NCKAP5: variants seen among roughly 807,000 people sequenced by gnomAD.
NCKAP5 encodes the protein nck-associated protein 5.
A neutral mutation model predicts 167.0 loss-of-function variants in NCKAP5; 92 were observed. That is an observed-to-expected ratio of 0.55 (90% CI 0.47 to 0.66). The LOEUF (loss-of-function observed/expected upper bound fraction) is 0.66, where lower values mean the gene tolerates loss of function less well. NCKAP5 is among the 30% of genes least tolerant of loss of function. The pLI is 0.00. For synonymous variants in NCKAP5, 891 were observed against 877.4 expected (o/e 1.02, Z -0.27); for missense variants, 2,378 against 2,315.0 (o/e 1.03, Z -0.56).
chr2:132,883,316 CTATTT>C (rs1035903893), intron 8 of NCKAP5, among the ~76,000 whole-genome samples: 11 of 151,906 alleles, frequency 7.2e-5, no homozygotes, highest in African/African-American at 2.7e-4. Context: ...TTTTTTCCTG[CTATTT>C]TATTAGTTGC....
At chr2:132,919,699 A>T (rs1695159249) in intron 8 of NCKAP5, among the ~76,000 whole-genome samples, 1 of 152,160 alleles carries the variant, frequency 6.6e-6, no homozygotes, top group African/African-American at 2.4e-5. Flanking sequence ...GAAAAAGATA[A>T]AGCAAAAAAA....
intron 3 of NCKAP5, among the ~76,000 whole-genome samples, chr2:133,332,961 T>C (rs1168372011): frequency 2.0e-5 from 3 of 152,234 alleles, no homozygotes; most frequent in Non-Finnish European, 2.9e-5. Context: ...TTCCAAAAGG[T>C]TCTCTCTGGA....
intron 3 of NCKAP5, among the ~76,000 whole-genome samples, chr2:133,351,999 A>C (rs531487915): frequency 6.6e-6 from 1 of 152,174 alleles, no homozygotes; most frequent in South Asian, 2.1e-4. Context: ...AAGCCCTTCC[A>C]AGGTTTTCCA....
At chr2:133,623,527 T>C in the NCKAP5 span, among the ~76,000 whole-genome samples, 8 of 151,498 alleles carry the variant, frequency 5.3e-5, no homozygotes, top group African/African-American at 1.7e-4. Context: ...GACATAAAAA[T>C]GGCCAACAAG....
chr2:132,843,188 T>C (rs72991374), intron 11 of NCKAP5, among the ~76,000 whole-genome samples: 11,994 of 152,126 alleles, frequency 0.079, 949 homozygotes, highest in African/African-American at 0.19. Flanking sequence ...AGCAAAGCAG[T>C]GGTTTGTATA....
chr2:133,663,363 TATGGATTAA>T, the NCKAP5 span, among the ~76,000 whole-genome samples: 1 of 151,954 alleles, frequency 6.6e-6, no homozygotes, highest in Non-Finnish European at 1.5e-5. Context: ...TGTGGATGCC[TATGGATTAA>T]TCAGGGTGGC....
At chr2:133,248,529 A>G (rs2088127545) in intron 4 of NCKAP5, among the ~76,000 whole-genome samples, 1 of 152,214 alleles carries the variant, frequency 6.6e-6, no homozygotes, top group Non-Finnish European at 1.5e-5. Flanking sequence ...TCCACTGGGA[A>G]AAAGGCAGCA....
the NCKAP5 span, among the ~76,000 whole-genome samples, chr2:133,648,272 TG>T: frequency 9.2e-5 from 14 of 151,624 alleles, no homozygotes; most frequent in Non-Finnish European, 2.1e-4. Context: ...AAAAAAAAAC[TG>T]GCAAAACTGA....
At chr2:133,189,874 T>G (rs982672879) in intron 5 of NCKAP5, among the ~76,000 whole-genome samples, 1 of 152,176 alleles carries the variant, frequency 6.6e-6, no homozygotes, top group Non-Finnish European at 1.5e-5. Flanking sequence ...AAGACAGGGA[T>G]GCCCTCTCTC....
chr2:133,204,426 T>G (rs2085851367), intron 5 of NCKAP5, among the ~76,000 whole-genome samples: 1 of 152,156 alleles, frequency 6.6e-6, no homozygotes, highest in Non-Finnish European at 1.5e-5. Context: ...ACATGTTAGA[T>G]TTTTTTATGT....
chr2:132,755,832 GA>G, intron 16 of NCKAP5, among the ~76,000 whole-genome samples: 2 of 146,480 alleles, frequency 1.4e-5, no homozygotes, highest in East Asian at 2.0e-4. Flanking sequence ...TTCTGTCTCA[GA>G]AAAAAAAATG....
At chr2:132,736,564 A>G (rs555111658) in intron 16 of NCKAP5, among the ~76,000 whole-genome samples, 55 of 152,018 alleles carry the variant, frequency 3.6e-4, no homozygotes, top group South Asian at 1.7e-3. Flanking sequence ...GCGAATCAGG[A>G]TGTCAAGAGA....
intron 3 of NCKAP5, among the ~76,000 whole-genome samples, chr2:133,489,811 C>T (rs575607536): frequency 1.3e-5 from 2 of 152,270 alleles, no homozygotes; most frequent in African/African-American, 4.8e-5. Context: ...GAAATGGACA[C>T]GGTGACAGAA....
chr2:132,797,432 T>G (rs1684695428), intron 11 of NCKAP5, among the ~76,000 whole-genome samples: 1 of 152,206 alleles, frequency 6.6e-6, no homozygotes, highest in Non-Finnish European at 1.5e-5. Flanking sequence ...CTGTGGACAT[T>G]AAATTTGATC....
intron 6 of NCKAP5, among the ~76,000 whole-genome samples, chr2:133,049,659 A>G (rs1359482278): frequency 6.6e-6 from 1 of 151,950 alleles, no homozygotes; most frequent in Non-Finnish European, 1.5e-5. Context: ...GGTTTATTTC[A>G]TTTCCCTTAG....
chr2:133,280,010 A>T (rs562922125), intron 4 of NCKAP5, among the ~76,000 whole-genome samples: 1 of 152,206 alleles, frequency 6.6e-6, no homozygotes, highest in African/African-American at 2.4e-5. Context: ...ATATTTTATT[A>T]TCTGTATCCA....
At chr2:132,939,005 C>T (rs1394944551) in intron 8 of NCKAP5, among the ~76,000 whole-genome samples, 1 of 152,040 alleles carries the variant, frequency 6.6e-6, no homozygotes, top group Non-Finnish European at 1.5e-5. Flanking sequence ...ATTACTTATG[C>T]GTGTATATTC....
At chr2:132,932,096 A>G (rs182860098) in intron 8 of NCKAP5, among the ~76,000 whole-genome samples, 5 of 152,314 alleles carry the variant, frequency 3.3e-5, no homozygotes, top group Admixed American at 2.6e-4. Context: ...ACCTATTACA[A>G]TTGTATGCAA....
chr2:132,877,005 C>G (rs1421726169), intron 9 of NCKAP5, among the ~76,000 whole-genome samples: 1 of 152,176 alleles, frequency 6.6e-6, no homozygotes, highest in Non-Finnish European at 1.5e-5. Context: ...CAGATAAAAT[C>G]TCAGCAGAAA....
Sources: allele counts gnomAD v4.1 joint callset (sites outside exome capture counted in the v4.1 genomes callset), GRCh38; gene constraint gnomAD v4.1.1; transcripts MANE v1.5; gene names NCBI Gene and HGNC (gene_info 2026-07-23, HGNC 2026-07-21).